Variants in EVC observed in about 807,000 individuals in gnomAD.
The protein encoded by EVC is EvC ciliary complex subunit 1.
EVC carries 116 observed loss-of-function variants against 118.9 expected under a neutral mutation model. That is an observed-to-expected ratio of 0.98 (90% CI 0.84 to 1.14). The LOEUF is 1.14. EVC is among the 50% of genes most tolerant of loss of function. EVC has a pLI of 0.00. For missense variants in EVC, 1,401 were observed against 1,246.4 expected, an observed-to-expected ratio of 1.12 and a Z score of -1.87; for synonymous variants, 619 against 534.7, an observed-to-expected ratio of 1.16 and a Z score of -2.18.
chr4:5,751,453 GC>G (rs1730354551), intron 8 of EVC, among the ~76,000 whole-genome samples: 1 of 152,226 alleles, frequency 6.6e-6, no homozygotes, highest in South Asian at 2.1e-4. Context: ...CCTTCCCGCG[GC>G]CCACCTGGCA....
At position 5,761,684 on chromosome 4, in the gene EVC, G is replaced by A. The variant is rs151215681; in HGVS notation, c.1563+5322G>A. Among the ~76,000 whole-genome samples, 119 of 152,008 alleles carry A rather than the reference G, an allele frequency of 7.8e-4. 1 individual carries two copies. In the Middle Eastern group the frequency reaches 0.014, roughly 17 times the overall value. ...CTGTACCTGGGAAGATAAGCCAGCC[G>A]TCAACATGATCAGCATGGAGTCTTT... On this transcript the variant is annotated intron_variant, in intron 11 of 20. Transcript: ENST00000264956.
intron 2 of EVC, among the ~76,000 whole-genome samples, chr4:5,728,068 T>A (rs1001481575): frequency 2.0e-5 from 3 of 151,980 alleles, no homozygotes; most frequent in Admixed American, 1.3e-4. Flanking sequence ...TCTTTTTTGG[T>A]TCCATATGAA....
In EVC at chr4:5,810,459, G is replaced by C. The variant is rs776278582; in HGVS notation, c.2894+9G>C. On this transcript the variant is annotated intron_variant, in intron 20 of 20. Transcript: ENST00000264956. ...ACCTCAGGCTCACTCAGGTATGACTGGGCCCCGGACCTGTTGCCTGTGGCT... is the reference window on the plus strand; with the variant it reads ...ACCTCAGGCTCACTCAGGTATGACTCGGCCCCGGACCTGTTGCCTGTGGCT... The C allele has an allele frequency of 2.5e-5, 40 of 1,600,116 alleles. No individual in the cohort carries two copies. In the Admixed American group the frequency reaches 5.0e-4, roughly 20 times the overall value.
intron 2 of EVC, among the ~76,000 whole-genome samples, chr4:5,726,197 A>G (rs897930531): frequency 6.6e-6 from 1 of 152,202 alleles, no homozygotes; most frequent in Non-Finnish European, 1.5e-5. Flanking sequence ...CTCACTCTTC[A>G]AGACGTGGTT....
At chr4:5,720,964 C>T (rs1011531428) in intron 2 of EVC, among the ~76,000 whole-genome samples, 2 of 152,146 alleles carry the variant, frequency 1.3e-5, no homozygotes, top group Admixed American at 1.3e-4. Flanking sequence ...CCTGTGCTGT[C>T]TCTGACACTG....
At chr4:5,758,212 C>T in intron 11 of EVC, 1 of 688,934 alleles carries the variant, frequency 1.5e-6, no homozygotes, top group Non-Finnish European at 2.6e-6. Context: ...GGAAGGGCCC[C>T]TCCCAGAGCC....
the EVC span, chr4:5,825,885 ATG>A: frequency 1.2e-5 from 6 of 514,706 alleles, no homozygotes; most frequent in African/African-American, 6.1e-5. This position sits in a 1 kb window ranked among gnomAD's most constrained non-coding sequence, Gnocchi z 4.4. Flanking sequence ...ACATACCCAC[ATG>A]CATACACATA....
chr4:5,824,463 A>G, the EVC span: 2 of 985,184 alleles, frequency 2.0e-6, no homozygotes, highest in Non-Finnish European at 2.4e-6. Context: ...GCCACCACAC[A>G]ATCTGAATTC....
chr4:5,738,405 G>T lies in EVC; in HGVS notation c.703-3311G>T, dbSNP rs1341078077. On this transcript the variant is annotated intron_variant, in intron 5 of 20. Transcript: ENST00000264956. The surrounding 1 kb of genome is among the most constrained non-coding windows in gnomAD (Gnocchi z 6.5). ...TGACTCCAAGTTTTAAAGTTCTACTGTGGGCAAATTGCTATCGAATAGCAT... is the reference window on the plus strand; with the variant it reads ...TGACTCCAAGTTTTAAAGTTCTACTTTGGGCAAATTGCTATCGAATAGCAT... Among the ~76,000 whole-genome samples, 1 of 152,182 alleles carries T rather than the reference G, an allele frequency of 6.6e-6. No individual in the cohort carries two copies. The highest frequency in any genetic ancestry group is 6.5e-5 in the Admixed American group (1 of 15,282).
chr4:5,804,096 C>T (rs555947471), intron 16 of EVC, among the ~76,000 whole-genome samples: 11 of 152,214 alleles, frequency 7.2e-5, no homozygotes, highest in Non-Finnish European at 1.6e-4. Context: ...TGTCACTGCG[C>T]CTGGCTCATT....
At chr4:5,808,404 C>G (rs1230719082) in intron 18 of EVC, 77 bp downstream of exon 18, 2 of 1,600,788 alleles carry the variant, frequency 1.2e-6, no homozygotes, top group African/African-American at 2.7e-5. Flanking sequence ...AGCCTGTGAC[C>G]ACACGTCAGC....
intron 11 of EVC, among the ~76,000 whole-genome samples, chr4:5,776,024 GT>G (rs200868464): frequency 2.7e-5 from 4 of 150,326 alleles, no homozygotes; most frequent in African/African-American, 7.3e-5. Context: ...TATAGCTGTT[GT>G]TTTTTTTTAA....
intron 1 of EVC, among the ~76,000 whole-genome samples, chr4:5,717,261 G>A (rs1192413816): frequency 6.6e-6 from 1 of 152,044 alleles, no homozygotes; most frequent in African/African-American, 2.4e-5. Context: ...TTCTGAGAAT[G>A]TTCTATCCTG....
At position 5,808,245 on chromosome 4, in the gene EVC, AC is replaced by A. The variant is rs1560445430; in HGVS notation, c.2608del (p.Gln870SerfsTer58). ...AGGTTCCTGGCCCAGTTCCCAGTGC[AC>A]CAGCAGATGCGTCTGCACGCCCAGC... ...QKRFLAQFPVHQQMRLHAQQQ... is the reference protein window; with the variant it reads ...QKRFLAQFPVXQQMRLHAQQQ... On this transcript the variant is annotated frameshift_variant, in exon 18 of 21. Transcript: ENST00000264956. LOFTEE classifies it high-confidence loss of function. 6.2e-7 allele frequency: 1 copy of A among 1,608,920 alleles called. No individual in the cohort carries two copies. Among genetic ancestry groups the A allele is most frequent in the Non-Finnish European group, 8.5e-7 (1 of 1,178,568 alleles).
rs1716996861 is a variant in EVC at position 5,812,074 on chromosome 4, TC to T, written c.*1039del. The T allele has an allele frequency of 3.5e-5, 5 of 142,070 alleles. No individual in the cohort carries two copies. Among genetic ancestry groups the T allele is most frequent in the South Asian group, 1.6e-4 (1 of 6,420 alleles). 8.8% of individuals were successfully genotyped at this position (142,070 alleles called of 1,614,324 possible). ...GGCCTTTACCACCTGGAGAGAAGCT[TC>T]CAGACCAGCCCCTCACACCACAGCC... On this transcript the variant is annotated 3_prime_UTR_variant, in exon 21 of 21. Coordinates refer to ENST00000264956, the MANE Select transcript of EVC (RefSeq NM_153717.3).
At chr4:5,815,348 C>T (rs1717504697), downstream of EVC, among the ~76,000 whole-genome samples, 1 of 152,004 alleles carries the variant, frequency 6.6e-6, no homozygotes, top group African/African-American at 2.4e-5. Context: ...AAAGGCAGAC[C>T]AATAGGAAAA....
the EVC span, chr4:5,824,234 A>G: frequency 1.1e-6 from 1 of 943,390 alleles, no homozygotes. Flanking sequence ...GCACCCAGAT[A>G]GCTTTTTCCC....
rs1399578046 is a variant in EVC, at chr4:5,768,855, CA to C, written c.1563+12504del. Among the ~76,000 whole-genome samples the C allele has an allele frequency of 2.3e-3, 327 of 140,154 alleles. 2 individuals are homozygous for C. The highest frequency in any genetic ancestry group is 7.5e-3 in the African/African-American group (287 of 38,238). The allele number at this position is 140,154 out of a possible 152,430, so 91.9% of individuals were successfully genotyped here. On this transcript the variant is annotated intron_variant, in intron 11 of 20. Transcript: ENST00000264956. ...CTGGTGACAGAGCAAAACTCTGTCTCAAAAAAAAAAAGAAATATTCTCATTC... is the reference window on the plus strand; with the variant it reads ...CTGGTGACAGAGCAAAACTCTGTCTCAAAAAAAAAAGAAATATTCTCATTC...
intron 8 of EVC, among the ~76,000 whole-genome samples, chr4:5,748,792 C>CTGT (rs1259919064): frequency 7.8e-5 from 4 of 51,382 alleles, no homozygotes; most frequent in East Asian, 7.5e-4. Flanking sequence ...ATCCATCCAT[C>CTGT]CATCCATCCA....
Sources: allele counts gnomAD v4.1 joint callset (sites outside exome capture counted in the v4.1 genomes callset), GRCh38; gene constraint gnomAD v4.1.1; non-coding constraint Gnocchi (gnomAD v3.1); transcripts MANE v1.5; gene names NCBI Gene and HGNC (gene_info 2026-07-23, HGNC 2026-07-21).